COA1: variants seen among roughly 807,000 people sequenced by gnomAD.
COA1 encodes cytochrome c oxidase assembly factor 1.
In COA1, 13 loss-of-function variants were observed where a neutral mutation model predicts 16.0. The ratio of observed to expected loss-of-function variants is 0.81; its 90% CI spans 0.53 to 1.29. COA1 has a LOEUF of 1.29. Ranked by LOEUF, COA1 falls within the 50% of genes most tolerant of loss-of-function variation. COA1 has a pLI of 0.00. For missense variants in COA1, 179 were observed against 177.0 expected, an observed-to-expected ratio of 1.01 and a Z score of -0.06; for synonymous variants, 65 against 65.7, an observed-to-expected ratio of 0.99 and a Z score of 0.05.
At chr7:43,707,257 C>A (rs1563437872) in intron 1 of COA1, among the ~76,000 whole-genome samples, 1 of 152,110 alleles carries the variant, frequency 6.6e-6, no homozygotes, top group Non-Finnish European at 1.5e-5. Context: ...AACATCAAGA[C>A]TGAAACAAAT....
intron 1 of COA1, among the ~76,000 whole-genome samples, chr7:43,657,686 TA>T (rs35226493): frequency 0.087 from 12,995 of 149,324 alleles, 656 homozygotes; most frequent in East Asian, 0.19. Flanking sequence ...ATAAGTACTT[TA>T]AAAAAAAAAT....
intron 1 of COA1, among the ~76,000 whole-genome samples, chr7:43,715,415 T>G (rs1458166220): frequency 2.0e-5 from 3 of 151,852 alleles, no homozygotes; most frequent in African/African-American, 7.3e-5. Flanking sequence ...GAGGCAGACG[T>G]TGCAGTGAGC....
chr7:43,610,017 G>C (rs1272399230), intron 6 of COA1, among the ~76,000 whole-genome samples: 4 of 152,236 alleles, frequency 2.6e-5, no homozygotes, highest in Non-Finnish European at 5.9e-5. Context: ...GCAAGGCGAG[G>C]CTTAAACTTC....
intron 1 of COA1, among the ~76,000 whole-genome samples, chr7:43,701,802 T>C (rs1349206817): frequency 1.3e-5 from 2 of 152,164 alleles, no homozygotes; most frequent in African/African-American, 2.4e-5. Flanking sequence ...TAGTATCTCA[T>C]TGTAGTTTTC....
At chr7:43,629,592 C>T (rs956622158) in intron 6 of COA1, among the ~76,000 whole-genome samples, 2 of 152,252 alleles carry the variant, frequency 1.3e-5, no homozygotes, top group Middle Eastern at 3.4e-3. Context: ...ATTTTTAGCT[C>T]ATCATGCCTA....
At chr7:43,669,199 C>T (rs2093090834) in intron 1 of COA1, among the ~76,000 whole-genome samples, 1 of 152,164 alleles carries the variant, frequency 6.6e-6, no homozygotes, top group Non-Finnish European at 1.5e-5. Flanking sequence ...ATGGTGACAT[C>T]TCCACATGGG....
chr7:43,615,542 C>G (rs548095569), intron 6 of COA1, among the ~76,000 whole-genome samples: 11 of 152,264 alleles, frequency 7.2e-5, no homozygotes, highest in African/African-American at 2.6e-4. Context: ...AGTCTGAGGA[C>G]TCATAGTCAT....
chr7:43,683,005 C>T (rs1010272958), intron 1 of COA1, among the ~76,000 whole-genome samples: 2 of 152,068 alleles, frequency 1.3e-5, no homozygotes, highest in Admixed American at 6.6e-5. Context: ...CCCACCGCCA[C>T]GCCTGGCTAA....
At position 43,639,531 on chromosome 7, in the gene COA1, A is replaced by AGAGAT. The variant is rs2086528444; in HGVS notation, c.*46_*50dup. On this transcript the variant is annotated 3_prime_UTR_variant, in exon 6 of 6. Transcript: ENST00000223336. The stretch of plus-strand genomic sequence containing the variant: ...GCCACCACCCCAGTGGCCATATGGT[A>AGAGAT]GAGATGAGGGAAGGATGGACTAGAA... 1.4e-6 allele frequency: 2 copies of AGAGAT among 1,460,330 alleles called. No homozygotes were observed. The highest frequency in any genetic ancestry group is 1.4e-5 in the African/African-American group (1 of 71,892). 90.5% of individuals were successfully genotyped at this position (1,460,330 alleles called of 1,614,324 possible).
chr7:43,697,487 T>C (rs755009924), intron 1 of COA1, among the ~76,000 whole-genome samples: 2 of 152,108 alleles, frequency 1.3e-5, no homozygotes, highest in African/African-American at 4.8e-5. Flanking sequence ...GGTTTCATCA[T>C]GTTGGCCAGG....
At chr7:43,677,800 T>TAAAAAAAA (rs11310207) in intron 1 of COA1, among the ~76,000 whole-genome samples, 2 of 116,782 alleles carry the variant, frequency 1.7e-5, no homozygotes, top group African/African-American at 6.8e-5. Context: ...GGCTCTGTCT[T>TAAAAAAAA]AAAAAAAAAA....
intron 1 of COA1, among the ~76,000 whole-genome samples, chr7:43,707,143 T>C (rs1160176231): frequency 6.6e-6 from 1 of 152,204 alleles, no homozygotes; most frequent in Non-Finnish European, 1.5e-5. Flanking sequence ...TGAGCCAAGA[T>C]CACGCCACTG....
At chr7:43,690,154 G>C (rs1011490040) in intron 1 of COA1, among the ~76,000 whole-genome samples, 25 of 152,176 alleles carry the variant, frequency 1.6e-4, no homozygotes, top group African/African-American at 5.8e-4. Context: ...ACTGTTGGTG[G>C]GAATGTAAAT....
At chr7:43,710,124 C>T (rs767200153) in intron 1 of COA1, among the ~76,000 whole-genome samples, 61 of 151,426 alleles carry the variant, frequency 4.0e-4, no homozygotes, top group African/African-American at 6.5e-4. Flanking sequence ...CTGAGGCAGG[C>T]GGATCACTAG....
intron 6 of COA1, among the ~76,000 whole-genome samples, chr7:43,616,347 A>C (rs565194066): frequency 1.2e-4 from 18 of 152,242 alleles, no homozygotes; most frequent in African/African-American, 4.3e-4. Flanking sequence ...TTATACTACC[A>C]CTAGTCCTAA....
intron 6 of COA1, among the ~76,000 whole-genome samples, chr7:43,617,705 A>C (rs774867866): frequency 1.3e-5 from 2 of 152,204 alleles, no homozygotes; most frequent in African/African-American, 2.4e-5. Flanking sequence ...TGAAAGAGAG[A>C]AAAACATTGT....
At chr7:43,678,128 C>T (rs1170489223) in intron 1 of COA1, among the ~76,000 whole-genome samples, 2 of 152,110 alleles carry the variant, frequency 1.3e-5, no homozygotes, top group African/African-American at 2.4e-5. Context: ...GAGAGATGAA[C>T]CTTCCTGTTG....
chr7:43,640,517 CT>C (rs2153065493), intron 5 of COA1, 55 bp downstream of exon 5: 1 of 1,219,970 alleles, frequency 8.2e-7, no homozygotes, highest in African/African-American at 1.5e-5. Flanking sequence ...GTTGGGGTTG[CT>C]TTCATCAGGA....
At chr7:43,703,524 G>A (rs1055286688) in intron 1 of COA1, among the ~76,000 whole-genome samples, 2 of 152,168 alleles carry the variant, frequency 1.3e-5, no homozygotes, top group East Asian at 1.9e-4. Flanking sequence ...AGTGTTGGGT[G>A]CATATATATT....
Sources: gnomAD v4.1 joint callset for allele counts (sites outside exome capture counted in the v4.1 genomes callset) on GRCh38, gnomAD v4.1.1 for gene constraint, MANE v1.5 for transcripts, NCBI Gene and HGNC (gene_info 2026-07-23, HGNC 2026-07-21) for gene names.